Variants in TPH2 observed in about 807,000 individuals in gnomAD.
TPH2 encodes tryptophan 5-hydroxylase 2.
In TPH2, 27 loss-of-function variants were observed where a neutral mutation model predicts 59.1. The observed-to-expected ratio is 0.46, with a 90% CI of 0.34 to 0.63. TPH2 has a LOEUF of 0.63. TPH2 is among the 30% of genes least tolerant of loss of function. The pLI, the probability that TPH2 is intolerant of heterozygous loss-of-function variation, is 0.01. For missense variants in TPH2, 523 were observed against 588.3 expected (o/e 0.89, Z 1.15); for synonymous variants, 220 against 210.5 (o/e 1.05, Z -0.39).
chr12:72,020,003 T>C (rs1873366117), intron 8 of TPH2, among the ~76,000 whole-genome samples: 1 of 152,222 alleles, frequency 6.6e-6, no homozygotes, highest in Admixed American at 6.5e-5. Context: ...TAGAGATCAT[T>C]AATTCATTTA....
intron 2 of TPH2, among the ~76,000 whole-genome samples, chr12:71,942,597 G>A (rs1205370336): frequency 1.3e-5 from 2 of 152,096 alleles, no homozygotes; most frequent in Non-Finnish European, 2.9e-5. Context: ...CTGCTACTTA[G>A]GTTCAATTTC....
rs539617920 is a variant in TPH2, at chr12:72,004,102, G to A, written c.1068+9537G>A. Among the ~76,000 whole-genome samples the A allele has an allele frequency of 1.4e-4, 20 of 139,382 alleles. 1 individual carries two copies. The highest frequency in any genetic ancestry group is 4.9e-4 in the African/African-American group (19 of 38,990). 91.4% of individuals were successfully genotyped at this position (139,382 alleles called of 152,430 possible). A position where few individuals can be genotyped will look rare whatever the true frequency, so the allele number is the denominator to read the frequency against. ...CTCTCAGCACTCATCCCAGCTCAATGAAGATGCTATTCGGGATGTTTGATG... is the reference window on the plus strand; with the variant it reads ...CTCTCAGCACTCATCCCAGCTCAATAAAGATGCTATTCGGGATGTTTGATG... On this transcript the variant is annotated intron_variant, in intron 8 of 10. Coordinates refer to ENST00000333850, the MANE Select transcript of TPH2 (RefSeq NM_173353.4).
intron 7 of TPH2, among the ~76,000 whole-genome samples, chr12:71,991,213 C>T (rs1225110012): frequency 2.6e-5 from 4 of 152,294 alleles, no homozygotes; most frequent in South Asian, 2.1e-4. Context: ...TTTCACCTTA[C>T]GTTCTACCAG....
chr12:72,004,108 G>A lies in TPH2; in HGVS notation c.1068+9543G>A, dbSNP rs183970290. ...GCACTCATCCCAGCTCAATGAAGAT[G>A]CTATTCGGGATGTTTGATGTACAGT... On this transcript the variant is annotated intron_variant, in intron 8 of 10. Coordinates refer to ENST00000333850, the MANE Select transcript of TPH2 (RefSeq NM_173353.4). 1.5e-3 allele frequency among the ~76,000 whole-genome samples: 209 copies of A among 139,588 alleles called. 9 individuals carry two copies. The highest frequency in any genetic ancestry group is 2.2e-3 in the Non-Finnish European group (144 of 64,666). The allele number at this position is 139,588 out of a possible 152,430, so 91.6% of individuals were successfully genotyped here.
chr12:72,019,229 T>A (rs10879355), intron 8 of TPH2, among the ~76,000 whole-genome samples: 2 of 151,994 alleles, frequency 1.3e-5, no homozygotes, highest in African/African-American at 4.8e-5. Context: ...GTTCACTCAC[T>A]ACTCTTGTGT....
intron 8 of TPH2, among the ~76,000 whole-genome samples, chr12:72,013,346 C>A (rs948903909): frequency 6.6e-6 from 1 of 152,172 alleles, no homozygotes; most frequent in Non-Finnish European, 1.5e-5. Flanking sequence ...AGGAGAATCA[C>A]TGGTAAAAGA....
intron 5 of TPH2, among the ~76,000 whole-genome samples, chr12:71,969,966 C>G (rs1188549975): frequency 6.6e-6 from 1 of 152,276 alleles, no homozygotes; most frequent in East Asian, 1.9e-4. Context: ...TATAAAAACA[C>G]TTAACCTTAA....
intron 2 of TPH2, among the ~76,000 whole-genome samples, chr12:71,943,592 C>T (rs1229131602): frequency 6.6e-6 from 1 of 152,074 alleles, no homozygotes; most frequent in Non-Finnish European, 1.5e-5. Flanking sequence ...TTAAATGATC[C>T]CATTTAGGGG....
At chr12:71,982,015 A>ATGTTTTTTTTTTTTTTTTTTTTT in intron 7 of TPH2, among the ~76,000 whole-genome samples, 1 of 60,506 alleles carries the variant, frequency 1.7e-5, no homozygotes, top group African/African-American at 6.1e-5. Context: ...TATCATTCGT[A>ATGTTTTTTTTTTTTTTTTTTTTT]TTTTTTTTTT....
intron 8 of TPH2, among the ~76,000 whole-genome samples, chr12:72,006,546 A>T (rs539006955): frequency 6.6e-6 from 1 of 152,266 alleles, no homozygotes; most frequent in Admixed American, 6.5e-5. Context: ...GAATCTGATC[A>T]GATACTGAGG....
chr12:71,970,503 C>T lies in TPH2; in HGVS notation c.609-2016C>T, dbSNP rs4503587. 1.8e-3 allele frequency among the ~76,000 whole-genome samples: 271 copies of T among 152,316 alleles called. 1 individual carries two copies. Among genetic ancestry groups the T allele is most frequent in the African/African-American group, 6.3e-3 (260 of 41,568 alleles). On this transcript the variant is annotated intron_variant, in intron 5 of 10. Transcript: ENST00000333850. ...TGTTGAAGGGAAAATTTTGACCTAA[C>T]GATTCTTCTCAAGTGGCTTCTCAAT...
chr12:71,992,051 T>C (rs1005039187), intron 7 of TPH2, among the ~76,000 whole-genome samples: 2 of 152,200 alleles, frequency 1.3e-5, no homozygotes, highest in African/African-American at 4.8e-5. Flanking sequence ...AGCCATTCGG[T>C]ATTTTTAAAA....
chr12:72,000,630 A>G (rs1209658054), intron 8 of TPH2, among the ~76,000 whole-genome samples: 1 of 152,226 alleles, frequency 6.6e-6, no homozygotes, highest in Admixed American at 6.5e-5. Context: ...CGAAAGGCAC[A>G]TAGTAATCTT....
intron 8 of TPH2, among the ~76,000 whole-genome samples, chr12:72,015,432 GTCTCAGC>G (rs2139239131): frequency 6.9e-6 from 1 of 145,956 alleles, no homozygotes; most frequent in Admixed American, 7.3e-5. Context: ...CCATTCTCCT[GTCTCAGC>G]CTCCTCAGTA....
chr12:71,971,656 G>T (rs548946548), intron 5 of TPH2, among the ~76,000 whole-genome samples: 1 of 152,142 alleles, frequency 6.6e-6, no homozygotes, highest in Admixed American at 6.5e-5. Flanking sequence ...AACTCAAGTT[G>T]TGCCTCCTCC....
In TPH2 at chr12:72,019,244, C is replaced by G. The variant is rs187021655; in HGVS notation, c.1069-3155C>G. Reference sequence around the variant, plus strand: ...GTTCACTCACTACTCTTGTGTGCCACTGCCATCTAGCTGGTCTGTTTCCAC... The same window carrying G: ...GTTCACTCACTACTCTTGTGTGCCAGTGCCATCTAGCTGGTCTGTTTCCAC... On this transcript the variant is annotated intron_variant, in intron 8 of 10. Transcript: ENST00000333850. Among the ~76,000 whole-genome samples the G allele has an allele frequency of 8.5e-5, 13 of 152,350 alleles. No homozygotes were observed. In the East Asian group the frequency reaches 1.7e-3, roughly 20 times the overall value.
Position 71,983,705 on chromosome 12 carries a change from G to A in TPH2, c.941+4618G>A, listed in dbSNP as rs551367265. 1.1e-3 allele frequency among the ~76,000 whole-genome samples: 163 copies of A among 152,172 alleles called. 5 individuals are homozygous for A. In the South Asian group the frequency reaches 0.031, roughly 29 times the overall value. On this transcript the variant is annotated intron_variant, in intron 7 of 10. Transcript: ENST00000333850. Reference sequence around the variant, plus strand: ...CAGTCCTCCTTCAACCCTGGGTCCTGTGGATCAGGAATGGAGAGTCAGGCA... The same window carrying A: ...CAGTCCTCCTTCAACCCTGGGTCCTATGGATCAGGAATGGAGAGTCAGGCA...
intron 9 of TPH2, among the ~76,000 whole-genome samples, chr12:72,026,942 T>C (rs1179829608): frequency 6.6e-6 from 1 of 152,182 alleles, no homozygotes; most frequent in African/African-American, 2.4e-5. Context: ...TATGTATATA[T>C]TTGTTGTTCT....
chr12:71,977,672 G>T (rs1045452070), intron 6 of TPH2, among the ~76,000 whole-genome samples: 1 of 152,160 alleles, frequency 6.6e-6, no homozygotes, highest in African/African-American at 2.4e-5. Flanking sequence ...ATACAATGTT[G>T]AAGGAAATGA....
Sources: allele counts gnomAD v4.1 joint callset (sites outside exome capture counted in the v4.1 genomes callset), GRCh38; gene constraint gnomAD v4.1.1; transcripts MANE v1.5; gene names NCBI Gene and HGNC (gene_info 2026-07-23, HGNC 2026-07-21).